TESC: variants seen among roughly 807,000 people sequenced by gnomAD.
The protein encoded by TESC is tescalcin.
A neutral mutation model predicts 31.0 loss-of-function variants in TESC; 19 were observed. That is an observed-to-expected ratio of 0.61 (90% CI 0.43 to 0.90). TESC has a LOEUF of 0.90. Among genes scored for constraint, TESC ranks in the 40% least tolerant of loss-of-function variants. TESC has a pLI of 0.00. For synonymous variants in TESC, 109 were observed against 114.8 expected (o/e 0.95, Z 0.32); for missense variants, 248 against 303.8 (o/e 0.82, Z 1.36).
In TESC at chr12:117,053,565, T is replaced by A. The variant is rs372060731; in HGVS notation, c.209+3241A>T. On this transcript the variant is annotated intron_variant, in intron 3 of 7. Coordinates refer to ENST00000335209, the MANE Select transcript of TESC (RefSeq NM_017899.4). ...AAGAGCATACACTAAAATGCACAGA[T>A]CTTGTGTTTGGACGAACATATGCCC... is the stretch of plus-strand genomic sequence containing the variant. 3.9e-5 allele frequency among the ~76,000 whole-genome samples: 6 copies of A among 152,084 alleles called. No individual in the cohort carries two copies. In the South Asian group the frequency reaches 1.2e-3, roughly 32 times the overall value.
At chr12:117,091,156 T>C (rs572214884) in intron 1 of TESC, among the ~76,000 whole-genome samples, 36 of 152,316 alleles carry the variant, frequency 2.4e-4, no homozygotes, top group Non-Finnish European at 4.7e-4. Context: ...CTTCTGGTTT[T>C]ATAAATTAAT....
intron 3 of TESC, 138 bp downstream of exon 3, chr12:117,056,668 T>C (rs1954728414): frequency 1.1e-6 from 1 of 879,680 alleles, no homozygotes; most frequent in Non-Finnish European, 1.8e-6. Flanking sequence ...ACCCCAAACC[T>C]ATGCTCATAA....
intron 7 of TESC, among the ~76,000 whole-genome samples, chr12:117,040,209 T>TCATG (rs1463614956): frequency 6.6e-6 from 1 of 152,172 alleles, no homozygotes; most frequent in Non-Finnish European, 1.5e-5. Context: ...GTTCTGGGTG[T>TCATG]CATGGGGTGT....
At chr12:117,076,646 G>A (rs543888580) in intron 1 of TESC, among the ~76,000 whole-genome samples, 5 of 152,138 alleles carry the variant, frequency 3.3e-5, no homozygotes, top group African/African-American at 9.7e-5. Flanking sequence ...GTTTCGCCAC[G>A]CTGGCCAGGC....
At chr12:117,048,967 G>A in intron 4 of TESC, 52 bp downstream of exon 4, 1 of 1,612,722 alleles carries the variant, frequency 6.2e-7, no homozygotes, top group Non-Finnish European at 8.5e-7. Context: ...GAGGTCTTAG[G>A]GGAGGCTGCA....
intron 1 of TESC, among the ~76,000 whole-genome samples, chr12:117,084,754 C>G (rs144175670): frequency 1.9e-4 from 29 of 152,300 alleles, no homozygotes; most frequent in African/African-American, 7.0e-4. Context: ...TGTCAGCATG[C>G]GCTCCCATCC....
intron 2 of TESC, among the ~76,000 whole-genome samples, chr12:117,060,127 G>C (rs1047660418): frequency 1.3e-5 from 2 of 152,124 alleles, no homozygotes; most frequent in African/African-American, 4.8e-5. Flanking sequence ...CATTTTCAAT[G>C]GGCGAATTTT....
chr12:117,041,035 G>T (rs536814172), intron 7 of TESC, among the ~76,000 whole-genome samples: 1 of 152,062 alleles, frequency 6.6e-6, no homozygotes, highest in Non-Finnish European at 1.5e-5. Flanking sequence ...AGGGGGATGG[G>T]GGGAGGGGGA....
chr12:117,087,361 A>C (rs2135799417), intron 1 of TESC, among the ~76,000 whole-genome samples: 1 of 152,212 alleles, frequency 6.6e-6, no homozygotes, highest in East Asian at 1.9e-4. Context: ...TGTGAAAGCC[A>C]AGGAATTCCT....
At chr12:117,061,595 G>T (rs976552231) in intron 2 of TESC, among the ~76,000 whole-genome samples, 2 of 152,098 alleles carry the variant, frequency 1.3e-5, no homozygotes, top group Admixed American at 6.5e-5. Context: ...GTCCCCAGGT[G>T]CTGGCTTCAC....
intron 4 of TESC, 43 bp downstream of exon 4, chr12:117,048,976 C>T (rs1292465840): frequency 1.2e-6 from 2 of 1,613,172 alleles, no homozygotes; most frequent in South Asian, 2.2e-5. Context: ...GGGGAGGCTG[C>T]ACCCCAGGCC....
At chr12:117,077,021 C>T (rs1219863498) in intron 1 of TESC, among the ~76,000 whole-genome samples, 1 of 152,208 alleles carries the variant, frequency 6.6e-6, no homozygotes, top group East Asian at 1.9e-4. Context: ...CCAGCATTCC[C>T]TACCCCTAAG....
intron 2 of TESC, among the ~76,000 whole-genome samples, chr12:117,064,775 G>A (rs1954850977): frequency 2.6e-5 from 4 of 152,186 alleles, no homozygotes; most frequent in Non-Finnish European, 5.9e-5. Context: ...TTTGAGCAGA[G>A]ACCTGAAGGA....
At chr12:117,043,445 TTTTGTTTTCA>T (rs1245142492) in intron 6 of TESC, among the ~76,000 whole-genome samples, 1 of 135,818 alleles carries the variant, frequency 7.4e-6, no homozygotes, top group Non-Finnish European at 1.6e-5. Flanking sequence ...AGTGGTATTG[TTTTGTTTTCA>T]TTTGTTTTGT....
chr12:117,056,407 C>G (rs1437788087), intron 3 of TESC, among the ~76,000 whole-genome samples: 1 of 138,146 alleles, frequency 7.2e-6, no homozygotes, highest in Non-Finnish European at 1.5e-5. Context: ...GGGTCTCACT[C>G]TGTTGCCCAG....
chr12:117,049,232 C>T (rs944990557), intron 3 of TESC, 74 bp from the exon 4 acceptor site: 19 of 1,593,690 alleles, frequency 1.2e-5, no homozygotes, highest in Admixed American at 8.4e-5. Flanking sequence ...CATTAGCTCC[C>T]GAGAACTCCG....
chr12:117,041,990 G>A lies in TESC; in HGVS notation c.524C>T (p.Pro175Leu), dbSNP rs190403622. Residue 175 changes from proline to leucine, a missense_variant, in exon 7 of 8, where the codon CCT (proline) becomes CTT (leucine). By Grantham distance (98) the Pro-to-Leu change is moderately conservative. Transcript: ENST00000335209. ...AASVCMGQMEPDQVYEGITFE... is the reference protein window; with the variant it reads ...AASVCMGQMELDQVYEGITFE... ...GGTGATCCCCTCGTACACCTGATCA[G>A]GCTCCTGGGGACGGAAGCACAGGGT... 6.0e-5 allele frequency: 95 copies of A among 1,595,014 alleles called. No homozygotes were observed. In the African/African-American group the frequency reaches 1.1e-3, roughly 18 times the overall value.
chr12:117,075,929 ATATATATATATG>A (rs1955064828), intron 1 of TESC, among the ~76,000 whole-genome samples: 1 of 105,604 alleles, frequency 9.5e-6, no homozygotes, highest in Non-Finnish European at 1.8e-5. Flanking sequence ...GTGTGTATAT[ATATATATATATG>A]TATATATACA....
intron 1 of TESC, among the ~76,000 whole-genome samples, chr12:117,077,822 C>T (rs969834230): frequency 6.6e-6 from 1 of 152,032 alleles, no homozygotes; most frequent in African/African-American, 2.4e-5. Flanking sequence ...AAGGGGAGTT[C>T]TGGGTACTAG....
Sources: gnomAD v4.1 joint callset for allele counts (sites outside exome capture counted in the v4.1 genomes callset) on GRCh38, gnomAD v4.1.1 for gene constraint, MANE v1.5 for transcripts, NCBI Gene and HGNC (gene_info 2026-07-23, HGNC 2026-07-21) for gene names.